The following COL16A1 variants were observed in gnomAD, a reference collection of about 807,000 sequenced individuals.
COL16A1 encodes collagen alpha-1(XVI) chain.
A neutral mutation model predicts 266.3 loss-of-function variants in COL16A1; 189 were observed. That is an observed-to-expected ratio of 0.71 (90% CI 0.63 to 0.80). The LOEUF is 0.80. COL16A1 is among the 30% of genes least tolerant of loss of function. The probability of loss-of-function intolerance (pLI) is 0.00; values close to 1 mark genes in which losing one functional copy is unlikely to be tolerated. For synonymous variants in COL16A1, 740 were observed against 782.3 expected (o/e 0.95, Z 0.90); for missense variants, 1,928 against 2,122.4 (o/e 0.91, Z 1.80).
intron 67 of COL16A1, 90 bp from the exon 68 acceptor site, chr1:31,654,948 G>A (rs1044396604): frequency 7.2e-7 from 1 of 1,385,324 alleles, no homozygotes; most frequent in Non-Finnish European, 9.8e-7. Context: ...GAAGGCAAAG[G>A]TCCCAGGAGC....
At chr1:31,665,803 G>T in intron 54 of COL16A1, 79 bp downstream of exon 54, 2 of 1,607,726 alleles carry the variant, frequency 1.2e-6, no homozygotes, top group Non-Finnish European at 1.7e-6. Flanking sequence ...CAGGTAGGGT[G>T]GGGAGACTAG....
rs767957220 is a variant in COL16A1, at chr1:31,665,249, G to C, written c.3493-15C>G. 10 of 1,586,316 alleles carry C rather than the reference G, an allele frequency of 6.3e-6. No individual in the cohort carries two copies. Among genetic ancestry groups the C allele is most frequent in the Middle Eastern group, 1.7e-4 (1 of 5,898 alleles). ...CCAGGGGGACCCTGTATCAACAAAG[G>C]GGCAGGCAGGAATGAAAGTGGGGCT... On this transcript the variant is annotated splice_polypyrimidine_tract_variant and intron_variant, in intron 55 of 70. Coordinates refer to ENST00000373672, the MANE Select transcript of COL16A1 (RefSeq NM_001856.4).
rs760797921 is a variant in COL16A1 at position 31,695,243 on chromosome 1, AGAGGTCAATTCT to A, written c.946-34_946-23del. On this transcript the variant is annotated intron_variant, in intron 10 of 70. Coordinates refer to ENST00000373672, the MANE Select transcript of COL16A1 (RefSeq NM_001856.4). ...GACACTGAAAGGGAAGAGCAGGCGA[AGAGGTCAATTCT>A]GAGCCCCTGGGGTGAGCCCTCCCCA... The A allele has an allele frequency of 5.0e-6, 8 of 1,613,694 alleles. No homozygotes were observed. The Middle Eastern group carries it at 1.2e-3, about 233-fold the overall frequency.
In COL16A1 at chr1:31,683,647, G is replaced by T. The variant is rs568013598; in HGVS notation, c.2379+60C>A. ...CCCTGAAGTTTGGGAGTGGATGGAA[G>T]TAGGTAGCTGGCTAATGGAAGTGCT... is the stretch of plus-strand genomic sequence containing the variant. On this transcript the variant is annotated intron_variant, in intron 34 of 70. Transcript: ENST00000373672. 4 of 1,611,486 alleles carry T rather than the reference G, an allele frequency of 2.5e-6. No individual in the cohort carries two copies. In the East Asian group the frequency reaches 8.9e-5, roughly 36 times the overall value.
chr1:31,689,959 C>G, intron 22 of COL16A1, 108 bp from the exon 23 acceptor site: 1 of 859,806 alleles, frequency 1.2e-6, no homozygotes, highest in Non-Finnish European at 1.9e-6. Context: ...ACCAGAGCCC[C>G]ACCCCCAACA....
At chr1:31,665,416 C>A in intron 55 of COL16A1, 167 bp downstream of exon 55, 1 of 1,427,154 alleles carries the variant, frequency 7.0e-7, no homozygotes, top group Non-Finnish European at 9.5e-7. Context: ...AGAGGCTGGG[C>A]TCTCCAGGTC....
chr1:31,679,961 G>T lies in COL16A1; in HGVS notation c.2670+81C>A, dbSNP rs997387354. The T allele has an allele frequency of 3.8e-6, 6 of 1,588,230 alleles. No homozygotes were observed. In the African/African-American group the frequency reaches 8.1e-5, roughly 21 times the overall value. Reference sequence around the variant, plus strand: ...TGGCTGGGGTGCGTGGCCCTGCGGGGCCTTTGCACACTGGGCACCAGACGA... The same window carrying T: ...TGGCTGGGGTGCGTGGCCCTGCGGGTCCTTTGCACACTGGGCACCAGACGA... On this transcript the variant is annotated intron_variant, in intron 40 of 70. Transcript: ENST00000373672.
chr1:31,698,666 C>G lies in COL16A1; in HGVS notation c.267-60G>C, dbSNP rs1391442194. ...CAATGAGGACCCAAATGCTGCCCAC[C>G]CTGAGCCCTCAGGACTGCTGAGCCT... On this transcript the variant is annotated intron_variant, in intron 4 of 70. Transcript: ENST00000373672. This position sits in a 1 kb window ranked among gnomAD's most constrained non-coding sequence, Gnocchi z 4.1. The G allele has an allele frequency of 3.0e-5, 48 of 1,596,576 alleles. No homozygotes were observed. Among genetic ancestry groups the G allele is most frequent in the Non-Finnish European group, 2.6e-5 (31 of 1,173,888 alleles).
At chr1:31,660,434 T>A in intron 62 of COL16A1, 151 bp downstream of exon 62, 1 of 988,796 alleles carries the variant, frequency 1.0e-6, no homozygotes. Context: ...ACGAAAAGCC[T>A]GGAAACCACA....
Position 31,675,274 on chromosome 1 carries a change from C to G in COL16A1, c.2810G>C (p.Gly937Ala). Residue 937 changes from glycine to alanine, a missense_variant, in exon 43 of 71, where the codon GGG (glycine) becomes GCG (alanine). Coordinates refer to ENST00000373672, the MANE Select transcript of COL16A1 (RefSeq NM_001856.4). Reference sequence around the variant, plus strand: ...AGTACCCACCAGTTCTGCAGTGAGCCCAGGCTGTCCTGGCAAACCGTTGTT... The same window carrying G: ...AGTACCCACCAGTTCTGCAGTGAGCGCAGGCTGTCCTGGCAAACCGTTGTT... The part of the protein sequence containing the change: ...PGNNGLPGQP[G>A]LTAELGSLPI... 1 of 1,614,198 alleles carries G rather than the reference C, an allele frequency of 6.2e-7. No homozygotes were observed.
At chr1:31,653,168 A>C (rs1313452907) in intron 70 of COL16A1, among the ~76,000 whole-genome samples, 1 of 152,180 alleles carries the variant, frequency 6.6e-6, no homozygotes. Flanking sequence ...GAGAGGTTGC[A>C]CCTCTGGTAA....
rs201453133 is a variant in COL16A1 at position 31,668,145 on chromosome 1, G to C, written c.3303+20C>G. 103 of 1,605,900 alleles carry C rather than the reference G, an allele frequency of 6.4e-5. No homozygotes were observed. The highest frequency in any genetic ancestry group is 8.3e-5 in the Non-Finnish European group (98 of 1,176,404). On this transcript the variant is annotated intron_variant, in intron 51 of 70. Coordinates refer to ENST00000373672, the MANE Select transcript of COL16A1 (RefSeq NM_001856.4). The surrounding 1 kb of genome is among the most constrained non-coding windows in gnomAD (Gnocchi z 5.8). ...TCTGGTACCTGGCACCCACTCCCCA[G>C]CAAGGGTCCCCTTACTCACAGGCAG...
chr1:31,695,309 T>A, intron 10 of COL16A1, 88 bp from the exon 11 acceptor site: 1 of 1,300,066 alleles, frequency 7.7e-7, no homozygotes, highest in Non-Finnish European at 1.1e-6. Flanking sequence ...CCACAGAACA[T>A]CACACATATC....
chr1:31,689,638 C>T (rs191932633), intron 23 of COL16A1, 103 bp downstream of exon 23: 15 of 890,990 alleles, frequency 1.7e-5, no homozygotes, highest in Admixed American at 1.3e-4. Flanking sequence ...TCTGTAGCCA[C>T]GAGAAGTACC....
rs756263634 is a variant in COL16A1, at chr1:31,702,233, A to T, written c.-34-6T>A. The T allele has an allele frequency of 1.2e-6, 2 of 1,613,384 alleles. No individual in the cohort carries two copies. Among genetic ancestry groups the T allele is most frequent in the Non-Finnish European group, 1.7e-6 (2 of 1,179,616 alleles). On this transcript the variant is annotated splice_polypyrimidine_tract_variant and splice_region_variant and intron_variant, in intron 1 of 70. Transcript: ENST00000373672. ...GTCAGCTACAGCCACAGCACCTGAA[A>T]ACCACAGAGACCGGGAAGGCGGATT... is the stretch of plus-strand genomic sequence containing the variant.
At chr1:31,653,721 T>C (rs1640839576) in intron 69 of COL16A1, 45 bp from the exon 70 acceptor site, 3 of 1,594,680 alleles carry the variant, frequency 1.9e-6, no homozygotes, top group South Asian at 1.1e-5. Context: ...AGCAGAAAAA[T>C]GACACAGCCA....
At position 31,652,469 on chromosome 1, in the gene COL16A1, C is replaced by A; in HGVS notation, c.*182G>T. ...CAACAGGGAGCTCTGGCTGCAGCAC[C>A]AGAGGAACCCACTGGAAGGGAAAGG... On this transcript the variant is annotated 3_prime_UTR_variant, in exon 71 of 71. Coordinates refer to ENST00000373672, the MANE Select transcript of COL16A1 (RefSeq NM_001856.4). The surrounding 1 kb of genome is among the most constrained non-coding windows in gnomAD (Gnocchi z 4.8). 1.5e-6 allele frequency: 1 copy of A among 683,698 alleles called. No homozygotes were observed. The highest frequency in any genetic ancestry group is 2.1e-6 in the Non-Finnish European group (1 of 471,642). The allele number at this position is 683,698 out of a possible 1,614,324, so 42.4% of individuals were successfully genotyped here. A position where few individuals can be genotyped will look rare whatever the true frequency, so the allele number is the denominator to read the frequency against.
At position 31,657,095 on chromosome 1, in the gene COL16A1, T is replaced by G; in HGVS notation, c.4021-27A>C. ...TGGGGAGTAGAGAGCAATGGAGACA[T>G]GAGGAGCTCCAACCCAGTTTGGTGT... On this transcript the variant is annotated intron_variant, in intron 64 of 70. Transcript: ENST00000373672. This position sits in a 1 kb window ranked among gnomAD's most constrained non-coding sequence, Gnocchi z 6.4. 1.2e-6 allele frequency: 2 copies of G among 1,614,110 alleles called. No homozygotes were observed. Among genetic ancestry groups the G allele is most frequent in the Non-Finnish European group, 1.7e-6 (2 of 1,180,014 alleles).
chr1:31,681,081 G>A lies in COL16A1; in HGVS notation c.2539-14C>T. 6.2e-7 allele frequency: 1 copy of A among 1,609,036 alleles called. No homozygotes were observed. Among genetic ancestry groups the A allele is most frequent in the East Asian group, 2.2e-5 (1 of 44,844 alleles). ...CCCATCACGGCCCTGAAGAGAGAGA[G>A]CCCAGAGTCAGAGGGTGAGACTGGG... On this transcript the variant is annotated splice_polypyrimidine_tract_variant and intron_variant, in intron 37 of 70. Coordinates refer to ENST00000373672, the MANE Select transcript of COL16A1 (RefSeq NM_001856.4).
Sources: allele counts gnomAD v4.1 joint callset (sites outside exome capture counted in the v4.1 genomes callset), GRCh38; gene constraint gnomAD v4.1.1; non-coding constraint Gnocchi (gnomAD v3.1); transcripts MANE v1.5; gene names NCBI Gene and HGNC (gene_info 2026-07-23, HGNC 2026-07-21).